FBXO34: variants seen among roughly 807,000 people sequenced by gnomAD.
FBXO34 encodes the protein F-box only protein 34.
FBXO34 carries 12 observed loss-of-function variants against 24.5 expected under a neutral mutation model. The ratio of observed to expected loss-of-function variants is 0.49; its 90% CI spans 0.31 to 0.79. The LOEUF (loss-of-function observed/expected upper bound fraction) is 0.79. FBXO34 is among the 30% of genes least tolerant of loss of function. The pLI is 0.04. For synonymous variants in FBXO34, 320 were observed against 311.9 expected (o/e 1.03, Z -0.27); for missense variants, 823 against 857.7 (o/e 0.96, Z 0.51).
Position 55,351,922 on chromosome 14 carries a change from T to C in FBXO34, c.1532T>C (p.Leu511Pro). The change falls in exon 2 of 2, where the codon CTT becomes CCT. Residue 511 changes from leucine to proline, a missense_variant. Around this residue, in one of 2 missense-constraint regions of FBXO34, gnomAD observed 693 missense variants for 659.1 expected, o/e 1.05. Transcript: ENST00000313833. ...TTKESSEASQ[L>P]EDAAGGDSAS... is the part of the protein sequence containing the mutation. Reference sequence around the variant, plus strand: ...AAAGAGTCTTCAGAGGCCAGCCAGCTTGAAGATGCTGCTGGGGGTGACAGT... The same window carrying C: ...AAAGAGTCTTCAGAGGCCAGCCAGCCTGAAGATGCTGCTGGGGGTGACAGT... The C allele has an allele frequency of 6.2e-7, 1 of 1,614,170 alleles. No homozygotes were observed. Among genetic ancestry groups the C allele is most frequent in the South Asian group, 1.1e-5 (1 of 91,080 alleles).
At chr14:55,326,389 T>C (rs1446610423) in intron 1 of FBXO34, among the ~76,000 whole-genome samples, 1 of 152,230 alleles carries the variant, frequency 6.6e-6, no homozygotes, top group Admixed American at 6.5e-5. Context: ...GGGCTGCAGG[T>C]AATCTTTGGT....
chr14:55,381,044 C>T, the FBXO34 span, among the ~76,000 whole-genome samples: 4 of 151,890 alleles, frequency 2.6e-5, no homozygotes, highest in African/African-American at 9.7e-5. Context: ...CCTGACAACC[C>T]TACGGAAGAG....
At chr14:55,303,176 T>A (rs1882423844) in intron 1 of FBXO34, among the ~76,000 whole-genome samples, 1 of 152,192 alleles carries the variant, frequency 6.6e-6, no homozygotes, top group African/African-American at 2.4e-5. Flanking sequence ...AGTGCCTCCC[T>A]GTGTGTTAGC....
At chr14:55,419,943 T>C in the FBXO34 span, among the ~76,000 whole-genome samples, 1 of 152,226 alleles carries the variant, frequency 6.6e-6, no homozygotes, top group Non-Finnish European at 1.5e-5. Context: ...GAGTACCCAG[T>C]TGTGCCATGC....
chr14:55,424,925 C>T, the FBXO34 span, among the ~76,000 whole-genome samples: 12 of 152,090 alleles, frequency 7.9e-5, no homozygotes, highest in Non-Finnish European at 1.5e-4. Context: ...GCTTGAGGAA[C>T]CTACCAAAAA....
At chr14:55,272,940 C>T (rs1018282460) in intron 1 of FBXO34, among the ~76,000 whole-genome samples, 1 of 152,136 alleles carries the variant, frequency 6.6e-6, no homozygotes, top group Admixed American at 6.5e-5. Context: ...TGTTTTTCTT[C>T]CAAAGCTTTC....
chr14:55,365,049 T>C (rs1476767770), downstream of FBXO34, among the ~76,000 whole-genome samples: 5 of 123,818 alleles, frequency 4.0e-5, no homozygotes, highest in Non-Finnish European at 6.7e-5. Context: ...TGAAACCCCA[T>C]CTCTACTTTA....
At chr14:55,358,449 C>G (rs1039222172), downstream of FBXO34, among the ~76,000 whole-genome samples, 3 of 152,214 alleles carry the variant, frequency 2.0e-5, no homozygotes, top group Non-Finnish European at 2.9e-5. Flanking sequence ...CCTCCAGCAT[C>G]CTCCCACCCT....
intron 1 of FBXO34, among the ~76,000 whole-genome samples, chr14:55,347,976 G>A (rs1231265795): frequency 6.6e-6 from 1 of 152,208 alleles, no homozygotes; most frequent in Non-Finnish European, 1.5e-5. Flanking sequence ...GTAGAAAATA[G>A]TTGGCACAGA....
At chr14:55,397,133 T>C in the FBXO34 span, among the ~76,000 whole-genome samples, 3 of 152,212 alleles carry the variant, frequency 2.0e-5, no homozygotes, top group East Asian at 1.9e-4. Flanking sequence ...GTGCCAGGGA[T>C]TTGATTCACT....
In FBXO34 at chr14:55,290,077, T is replaced by C. The variant is rs567173053; in HGVS notation, c.-11+18540T>C. On this transcript the variant is annotated intron_variant, in intron 1 of 1. Coordinates refer to ENST00000313833, the MANE Select transcript of FBXO34 (RefSeq NM_017943.4). ...GAACTCATGGTGTGCTGTTTTTCTCTTACTCTCCTTTTTTTAAATTGAGGC... is the reference window on the plus strand; with the variant it reads ...GAACTCATGGTGTGCTGTTTTTCTCCTACTCTCCTTTTTTTAAATTGAGGC... Among the ~76,000 whole-genome samples, 2 of 152,298 alleles carry C rather than the reference T, an allele frequency of 1.3e-5. 1 individual carries two copies. The highest frequency in any genetic ancestry group is 4.8e-5 in the African/African-American group (2 of 41,574).
chr14:55,430,645 C>A, the FBXO34 span, among the ~76,000 whole-genome samples: 1 of 152,152 alleles, frequency 6.6e-6, no homozygotes, highest in Non-Finnish European at 1.5e-5. Context: ...ACCCTCCCAA[C>A]CTCAGCCTCC....
chr14:55,362,812 A>G (rs150839677), downstream of FBXO34, among the ~76,000 whole-genome samples: 1 of 151,116 alleles, frequency 6.6e-6, no homozygotes, highest in East Asian at 1.9e-4. Context: ...ACATACTTAC[A>G]CTCCAGAAAT....
chr14:55,415,386 G>A, the FBXO34 span, among the ~76,000 whole-genome samples: 726 of 152,320 alleles, frequency 4.8e-3, 6 homozygotes, highest in African/African-American at 0.016. Context: ...CTCAGCTACT[G>A]TGGAAACTAG....
intron 1 of FBXO34, among the ~76,000 whole-genome samples, chr14:55,346,503 G>A (rs942385526): frequency 6.6e-6 from 1 of 152,170 alleles, no homozygotes; most frequent in African/African-American, 2.4e-5. Context: ...AGGTGAGTAT[G>A]TCTACCAGGC....
At chr14:55,309,849 G>A (rs1185699791) in intron 1 of FBXO34, among the ~76,000 whole-genome samples, 1 of 152,184 alleles carries the variant, frequency 6.6e-6, no homozygotes, top group Non-Finnish European at 1.5e-5. Flanking sequence ...CCTTTGGTGA[G>A]CCTGTTATTC....
chr14:55,333,798 C>T (rs968620251), intron 1 of FBXO34, among the ~76,000 whole-genome samples: 8 of 150,608 alleles, frequency 5.3e-5, no homozygotes, highest in African/African-American at 2.0e-4. Context: ...CATGGGGAGA[C>T]TTTATAGTGT....
At chr14:55,389,518 T>C in the FBXO34 span, among the ~76,000 whole-genome samples, 1 of 152,212 alleles carries the variant, frequency 6.6e-6, no homozygotes, top group East Asian at 1.9e-4. Context: ...CACCATTACA[T>C]GCCACTATAA....
intron 1 of FBXO34, among the ~76,000 whole-genome samples, chr14:55,334,788 G>A (rs897303969): frequency 6.6e-6 from 1 of 152,186 alleles, no homozygotes; most frequent in African/African-American, 2.4e-5. Context: ...GTATTTTTGG[G>A]TGGCAGAGAA....
Sources: gnomAD v4.1 joint callset for allele counts (sites outside exome capture counted in the v4.1 genomes callset) on GRCh38, gnomAD v4.1.1 for gene constraint, gnomAD v4.1.1 regional missense constraint, MANE v1.5 for transcripts, NCBI Gene and HGNC (gene_info 2026-07-23, HGNC 2026-07-21) for gene names.